RASGRP3: variants seen among roughly 807,000 people sequenced by gnomAD.
The protein encoded by RASGRP3 is ras guanyl-releasing protein 3.
A neutral mutation model predicts 82.7 loss-of-function variants in RASGRP3; 54 were observed. That is an observed-to-expected ratio of 0.65 (90% CI 0.52 to 0.82). The LOEUF is 0.82. Ranked by LOEUF, RASGRP3 falls within the 40% of genes least tolerant of loss-of-function variation. RASGRP3 has a pLI of 0.00. For synonymous variants in RASGRP3, 309 were observed against 300.5 expected (o/e 1.03, Z -0.29); for missense variants, 861 against 828.9 (o/e 1.04, Z -0.48).
chr2:33,475,542 G>T (rs1203980188), upstream of RASGRP3, among the ~76,000 whole-genome samples: 1 of 152,148 alleles, frequency 6.6e-6, no homozygotes, highest in African/African-American at 2.4e-5. Flanking sequence ...TTTTCTGGAT[G>T]TTCACTTTGC....
At chr2:33,502,492 TTTTTCTTTC>T (rs1442317732) in intron 1 of RASGRP3, among the ~76,000 whole-genome samples, 1 of 138,166 alleles carries the variant, frequency 7.2e-6, no homozygotes, top group Admixed American at 7.2e-5. Context: ...TCTCTTTCTT[TTTTTCTTTC>T]TTTTTTTTTT....
chr2:33,556,608 T>G (rs1254017555), intron 15 of RASGRP3, among the ~76,000 whole-genome samples: 2 of 152,176 alleles, frequency 1.3e-5, no homozygotes, highest in Non-Finnish European at 2.9e-5. Flanking sequence ...AGAAACATCT[T>G]AATCACAGAA....
At chr2:33,444,020 G>T (rs992230047) in intron 1 of RASGRP3, among the ~76,000 whole-genome samples, 1 of 152,144 alleles carries the variant, frequency 6.6e-6, no homozygotes, top group African/African-American at 2.4e-5. Flanking sequence ...ATAGTTTAAG[G>T]AGTGGGGGAT....
intron 4 of RASGRP3, among the ~76,000 whole-genome samples, chr2:33,517,734 A>G (rs1197208613): frequency 6.6e-6 from 1 of 152,212 alleles, no homozygotes; most frequent in Non-Finnish European, 1.5e-5. Flanking sequence ...CAGTCTGGCC[A>G]TATTCCTGAC....
chr2:33,514,128 G>A (rs1333590083), intron 2 of RASGRP3: 3 of 152,058 alleles, frequency 2.0e-5, no homozygotes, highest in African/African-American at 7.2e-5. Context: ...TATATGCAAA[G>A]CATTCGGAAT....
At chr2:33,495,463 C>A (rs115489963) in intron 1 of RASGRP3, among the ~76,000 whole-genome samples, 1 of 152,176 alleles carries the variant, frequency 6.6e-6, no homozygotes, top group African/African-American at 2.4e-5. Flanking sequence ...TTCCCTCACC[C>A]GCATTCACCT....
intron 7 of RASGRP3, among the ~76,000 whole-genome samples, chr2:33,523,443 A>G (rs1003105399): frequency 1.3e-4 from 19 of 147,344 alleles, no homozygotes; most frequent in Non-Finnish European, 2.8e-4. Context: ...CCAGCCTGGC[A>G]ATAGAGCGAC....
chr2:33,527,742 G>T (rs1358777351), intron 10 of RASGRP3, among the ~76,000 whole-genome samples: 2 of 152,096 alleles, frequency 1.3e-5, no homozygotes, highest in Non-Finnish European at 2.9e-5. Context: ...ACATCCTTCT[G>T]TATGTCCTCC....
At chr2:33,496,895 C>G (rs1669376715) in intron 1 of RASGRP3, among the ~76,000 whole-genome samples, 1 of 152,088 alleles carries the variant, frequency 6.6e-6, no homozygotes, top group African/African-American at 2.4e-5. Context: ...AAAACAAACC[C>G]CTACTCCCAT....
chr2:33,530,970 T>A (rs1171422265), intron 10 of RASGRP3: 1 of 152,260 alleles, frequency 6.6e-6, no homozygotes, highest in Non-Finnish European at 1.5e-5. Flanking sequence ...AATCTTTTCA[T>A]GGTATTTTTA....
intron 1 of RASGRP3, among the ~76,000 whole-genome samples, chr2:33,498,063 T>G (rs1053941757): frequency 1.3e-5 from 2 of 151,944 alleles, no homozygotes; most frequent in African/African-American, 4.8e-5. Flanking sequence ...TGGGTATATG[T>G]AGGTAAAATG....
intron 1 of RASGRP3, among the ~76,000 whole-genome samples, chr2:33,442,066 A>G (rs924808242): frequency 6.6e-6 from 1 of 152,238 alleles, no homozygotes; most frequent in African/African-American, 2.4e-5. Flanking sequence ...AAAATTATGT[A>G]TATAGTGTGA....
rs118093215 is a variant in RASGRP3, at chr2:33,509,230, C to T, written c.-260-2480C>T. Among the ~76,000 whole-genome samples the T allele has an allele frequency of 1.9e-3, 292 of 152,092 alleles. 7 individuals are homozygous for T. In the East Asian group the frequency reaches 0.035, roughly 18 times the overall value. Reference sequence around the variant, plus strand: ...AGCCTGGCCGACATGGGGAAATGTCCGTTTCTACTAAAAATACAAAAATTA... The same window carrying T: ...AGCCTGGCCGACATGGGGAAATGTCTGTTTCTACTAAAAATACAAAAATTA... On this transcript the variant is annotated intron_variant, in intron 1 of 17. Transcript: ENST00000403687.
At chr2:33,520,511 C>G (rs765640505) in intron 5 of RASGRP3, 42 bp from the exon 6 acceptor site, 2 of 1,609,586 alleles carry the variant, frequency 1.2e-6, no homozygotes, top group African/African-American at 2.7e-5. Flanking sequence ...AGATAACCAA[C>G]TTGCAATCTT....
Position 33,564,468 on chromosome 2 carries a change from A to T in RASGRP3, c.*1731A>T, listed in dbSNP as rs1677031137. 6.6e-6 allele frequency: 1 copy of T among 151,974 alleles called. No homozygotes were observed. The highest frequency in any genetic ancestry group is 2.4e-5 in the African/African-American group (1 of 41,440). 9.4% of individuals were successfully genotyped at this position (151,974 alleles called of 1,614,324 possible). A position where few individuals can be genotyped will look rare whatever the true frequency, so the allele number is the denominator to read the frequency against. On this transcript the variant is annotated 3_prime_UTR_variant, in exon 18 of 18. Transcript: ENST00000403687. The stretch of plus-strand genomic sequence containing the variant: ...TCTACTACTATCCATAAATGCAATA[A>T]TATGCATGTTAACAACATTAAAAAC...
At chr2:33,532,899 A>C (rs1400255448) in intron 10 of RASGRP3, 1 of 152,236 alleles carries the variant, frequency 6.6e-6, no homozygotes, top group Non-Finnish European at 1.5e-5. Flanking sequence ...TTTGAAAATG[A>C]AATTTTATGA....
At chr2:33,534,029 G>T in intron 10 of RASGRP3, 1 of 344,284 alleles carries the variant, frequency 2.9e-6, no homozygotes, top group Non-Finnish European at 5.3e-6. Context: ...TTCCAGCCTG[G>T]AAACATCACA....
intron 2 of RASGRP3, among the ~76,000 whole-genome samples, chr2:33,455,208 GT>G (rs1665977865): frequency 1.3e-5 from 2 of 152,128 alleles, no homozygotes; most frequent in Non-Finnish European, 2.9e-5. Context: ...ATATATTATG[GT>G]TTTTCAAAGA....
rs191607782 is a variant in RASGRP3 at position 33,523,247 on chromosome 2, A to G, written c.517-632A>G. 3.3e-5 allele frequency among the ~76,000 whole-genome samples: 5 copies of G among 152,246 alleles called. No individual in the cohort carries two copies. The East Asian group carries it at 9.6e-4, about 29-fold the overall frequency. On this transcript the variant is annotated intron_variant, in intron 7 of 17. Transcript: ENST00000403687. ...GGGAGGCCAAGGTGGGCAGATCATG[A>G]GGTCAAGAGATCGAGACCTTCCTGG...
Sources: allele counts gnomAD v4.1 joint callset (sites outside exome capture counted in the v4.1 genomes callset), GRCh38; gene constraint gnomAD v4.1.1; transcripts MANE v1.5; gene names NCBI Gene and HGNC (gene_info 2026-07-23, HGNC 2026-07-21).